NT5C2: variants seen among roughly 807,000 people sequenced by gnomAD.
NT5C2 encodes cytosolic purine 5'-nucleotidase.
NT5C2 carries 58 observed loss-of-function variants against 76.1 expected under a neutral mutation model. That is an observed-to-expected ratio of 0.76 (90% CI 0.62 to 0.95). The LOEUF is 0.95. Among genes scored for constraint, NT5C2 ranks in the 40% least tolerant of loss-of-function variants. NT5C2 has a pLI of 0.00. For missense variants in NT5C2, 478 were observed against 690.3 expected, an observed-to-expected ratio of 0.69 and a Z score of 3.45; for synonymous variants, 229 against 237.4, an observed-to-expected ratio of 0.96 and a Z score of 0.32.
chr10:103,165,274 A>G (rs2086076499), intron 3 of NT5C2, among the ~76,000 whole-genome samples: 1 of 152,080 alleles, frequency 6.6e-6, no homozygotes, highest in Admixed American at 6.5e-5. Flanking sequence ...CGGGTGGATC[A>G]CCTGAGGTCA....
At position 103,173,862 on chromosome 10, in the gene NT5C2, G is replaced by A. The variant is rs542887589; in HGVS notation, c.101+996C>T. Among the ~76,000 whole-genome samples the A allele has an allele frequency of 1.2e-4, 19 of 152,138 alleles. No individual in the cohort carries two copies. The East Asian group carries it at 1.6e-3, about 12-fold the overall frequency. ...TGTAATCCTAGCACTCTAGGATGCC[G>A]AGGCAGGTGGATCACCTGAGGTCAG... is the stretch of plus-strand genomic sequence containing the variant. On this transcript the variant is annotated intron_variant, in intron 3 of 18. Transcript: ENST00000404739.
chr10:103,168,364 C>A (rs1366504511), intron 3 of NT5C2, among the ~76,000 whole-genome samples: 1 of 152,172 alleles, frequency 6.6e-6, no homozygotes. Flanking sequence ...CAGAGCTTTA[C>A]AAACGTAAAA....
rs117715523 is a variant in NT5C2 at position 103,173,266 on chromosome 10, C to A, written c.101+1592G>T. Among the ~76,000 whole-genome samples the A allele has an allele frequency of 7.3e-3, 1,107 of 152,252 alleles. 6 individuals are homozygous for A. Among genetic ancestry groups the A allele is most frequent in the Middle Eastern group, 0.027 (8 of 294 alleles). On this transcript the variant is annotated intron_variant, in intron 3 of 18. Transcript: ENST00000404739. ...AATCTAACACACAGTAGCCAGCAGA[C>A]ACAATTTTTAAATTCTGTTTAAAAA... is the stretch of plus-strand genomic sequence containing the variant.
Position 103,139,582 on chromosome 10 carries a change from C to T in NT5C2, c.102-103G>A, listed in dbSNP as rs147976353. 551 of 825,976 alleles carry T rather than the reference C, an allele frequency of 6.7e-4. 3 individuals carry two copies. In the African/African-American group the frequency reaches 8.5e-3, roughly 13 times the overall value. The allele number at this position is 825,976 out of a possible 1,614,324, so 51.2% of individuals were successfully genotyped here. A position where few individuals can be genotyped will look rare whatever the true frequency, so the allele number is the denominator to read the frequency against. On this transcript the variant is annotated intron_variant, in intron 3 of 18. Transcript: ENST00000404739. ...TTCTAGGTTTTCTCATTTATTTTTC[C>T]AATTGATTTTTTAAACTTTTAAAAT...
chr10:103,129,234 C>G (rs1240748572), intron 4 of NT5C2, among the ~76,000 whole-genome samples: 1 of 103,018 alleles, frequency 9.7e-6, no homozygotes, highest in Non-Finnish European at 2.1e-5. Context: ...CCAGCCACCC[C>G]GTCCGGGAGG....
intron 3 of NT5C2, among the ~76,000 whole-genome samples, chr10:103,150,968 A>G (rs1307984406): frequency 7.9e-5 from 12 of 152,174 alleles, no homozygotes; most frequent in African/African-American, 2.9e-4. Context: ...AATTTTGATG[A>G]AGCCCAACTT....
chr10:103,126,365 T>C (rs1196444830), intron 4 of NT5C2, among the ~76,000 whole-genome samples: 1 of 152,230 alleles, frequency 6.6e-6, no homozygotes, highest in African/African-American at 2.4e-5. Flanking sequence ...GGCTCACATC[T>C]GTAATCCCAG....
intron 11 of NT5C2, among the ~76,000 whole-genome samples, chr10:103,096,879 A>G: frequency 6.7e-6 from 1 of 150,360 alleles, no homozygotes; most frequent in South Asian, 2.1e-4. Context: ...AAAGATATAT[A>G]AATTTTGACA....
chr10:103,161,183 TA>T (rs1008846418), intron 3 of NT5C2, among the ~76,000 whole-genome samples: 4 of 152,166 alleles, frequency 2.6e-5, no homozygotes, highest in African/African-American at 9.7e-5. Context: ...CCATACAATA[TA>T]TTTTTTTTCT....
chr10:103,118,206 A>G (rs921282638), intron 4 of NT5C2, among the ~76,000 whole-genome samples: 1 of 152,198 alleles, frequency 6.6e-6, no homozygotes, highest in Non-Finnish European at 1.5e-5. Flanking sequence ...TTTATAGTCT[A>G]TTCATCATTT....
intron 1 of NT5C2, among the ~76,000 whole-genome samples, chr10:103,183,262 GATATATATA>G (rs1446887239): frequency 1.4e-5 from 1 of 73,344 alleles, no homozygotes; most frequent in Non-Finnish European, 2.3e-5. Context: ...GTGTGTGTGT[GATATATATA>G]TATATATATA....
chr10:103,131,584 T>C (rs1224793602), intron 4 of NT5C2, among the ~76,000 whole-genome samples: 1 of 152,216 alleles, frequency 6.6e-6, no homozygotes, highest in African/African-American at 2.4e-5. Context: ...CAAACCCACG[T>C]TGTGGAACAT....
chr10:103,154,348 A>G lies in NT5C2; in HGVS notation c.102-14869T>C, dbSNP rs191206898. Reference sequence around the variant, plus strand: ...GTTTCTTTTTGTTATTAAAATGTTTAAATAGTTACTAAGTAATTAAAAGCA... The same window carrying G: ...GTTTCTTTTTGTTATTAAAATGTTTGAATAGTTACTAAGTAATTAAAAGCA... On this transcript the variant is annotated intron_variant, in intron 3 of 18. Coordinates refer to ENST00000404739, the MANE Select transcript of NT5C2 (RefSeq NM_001351169.2). Among the ~76,000 whole-genome samples the G allele has an allele frequency of 2.2e-3, 341 of 152,300 alleles. 4 individuals are homozygous for G. Among genetic ancestry groups the G allele is most frequent in the African/African-American group, 7.8e-3 (323 of 41,580 alleles).
intron 1 of NT5C2, among the ~76,000 whole-genome samples, chr10:103,184,088 G>T (rs1691035479): frequency 6.6e-6 from 1 of 151,984 alleles, no homozygotes; most frequent in South Asian, 2.1e-4. Context: ...AAGTAGCTGG[G>T]ATTACAGGCA....
chr10:103,138,665 G>A lies in NT5C2; in HGVS notation c.175+741C>T, dbSNP rs116976910. Reference sequence around the variant, plus strand: ...TTTTAAAAAGCCTTATACATACTACGTGTGCAATCATTTCAATGGAAAATG... The same window carrying A: ...TTTTAAAAAGCCTTATACATACTACATGTGCAATCATTTCAATGGAAAATG... On this transcript the variant is annotated intron_variant, in intron 4 of 18. Coordinates refer to ENST00000404739, the MANE Select transcript of NT5C2 (RefSeq NM_001351169.2). Among the ~76,000 whole-genome samples, 1,329 of 152,262 alleles carry A rather than the reference G, an allele frequency of 8.7e-3. 9 individuals are homozygous for A. Among genetic ancestry groups the A allele is most frequent in the Non-Finnish European group, 0.012 (837 of 68,028 alleles).
chr10:103,093,625 T>C (rs1418903492), intron 14 of NT5C2: 1 of 362,996 alleles, frequency 2.8e-6, no homozygotes, highest in East Asian at 4.5e-5. Flanking sequence ...TACTCAACTG[T>C]TTATAACTCC....
At chr10:103,115,535 A>T (rs1477000613) in intron 4 of NT5C2, among the ~76,000 whole-genome samples, 1 of 152,244 alleles carries the variant, frequency 6.6e-6, no homozygotes, top group East Asian at 1.9e-4. Flanking sequence ...GAATGCTTTT[A>T]TAATTGGCAA....
At chr10:103,115,870 T>C (rs1298801883) in intron 4 of NT5C2, among the ~76,000 whole-genome samples, 1 of 152,166 alleles carries the variant, frequency 6.6e-6, no homozygotes, top group East Asian at 1.9e-4. Context: ...ATTGAGGGTG[T>C]TTATCTCAAT....
At chr10:103,094,309 G>T in intron 13 of NT5C2, 39 bp downstream of exon 13, 1 of 1,306,548 alleles carries the variant, frequency 7.7e-7, no homozygotes, top group Non-Finnish European at 1.1e-6. Context: ...AAACATTAAG[G>T]ACAATGTGCT....
Sources: gnomAD v4.1 joint callset for allele counts (sites outside exome capture counted in the v4.1 genomes callset) on GRCh38, gnomAD v4.1.1 for gene constraint, MANE v1.5 for transcripts, NCBI Gene and HGNC (gene_info 2026-07-23, HGNC 2026-07-21) for gene names.